The following NFE2L3 variants were observed in gnomAD, a reference collection of about 807,000 sequenced individuals.
NFE2L3 encodes the protein NFE2 like bZIP transcription factor 3.
A neutral mutation model predicts 23.5 loss-of-function variants in NFE2L3; 18 were observed. The ratio of observed to expected loss-of-function variants is 0.77; its 90% CI spans 0.53 to 1.13. The LOEUF is 1.13. Among genes scored for constraint, NFE2L3 ranks in the 50% most tolerant of loss-of-function variants. The probability of loss-of-function intolerance (pLI) is 0.00; values close to 1 mark genes in which losing one functional copy is unlikely to be tolerated. For synonymous variants in NFE2L3, 424 were observed against 354.5 expected (o/e 1.20, Z -2.20); for missense variants, 1,152 against 877.2 (o/e 1.31, Z -3.96).
At position 26,152,435 on chromosome 7, in the gene NFE2L3, C is replaced by A; in HGVS notation, c.-64C>A. ...GGCGCGCGGGGTCCGCACGTGTCAC[C>A]CCGGCGGCTGGGGCGCCGGGACCCG... On this transcript the variant is annotated 5_prime_UTR_variant, in exon 1 of 4. Coordinates refer to ENST00000056233, the MANE Select transcript of NFE2L3 (RefSeq NM_004289.7). This position sits in a 1 kb window ranked among gnomAD's most constrained non-coding sequence, Gnocchi z 4.4. 2.6e-6 allele frequency: 3 copies of A among 1,163,402 alleles called. No homozygotes were observed. The highest frequency in any genetic ancestry group is 4.1e-5 in the South Asian group (1 of 24,396). 72.1% of individuals were successfully genotyped at this position (1,163,402 alleles called of 1,614,324 possible).
chr7:26,176,513 A>G (rs1363901996), intron 1 of NFE2L3, among the ~76,000 whole-genome samples: 222 of 87,870 alleles, frequency 2.5e-3, no homozygotes, highest in East Asian at 0.012. Flanking sequence ...GACGATGGGC[A>G]GCCGGGCAGA....
Position 26,185,622 on chromosome 7 carries a change from T to A in NFE2L3, c.1924T>A (p.Tyr642Asn). The A allele has an allele frequency of 1.9e-6, 3 of 1,613,928 alleles. No individual in the cohort carries two copies. The highest frequency in any genetic ancestry group is 2.5e-6 in the Non-Finnish European group (3 of 1,179,828). Residue 642 changes from tyrosine to asparagine, a missense_variant, in exon 4 of 4, where the codon TAT becomes AAT. Transcript: ENST00000056233. ...NIMKQKLHDL[Y>N]HDIFSRLRDD... is the part of the protein sequence containing the mutation. ...AATGAAACAGAAACTGCATGACCTT[T>A]ATCATGATATTTTTAGTAGATTAAG...
chr7:26,158,105 A>G (rs1381996903), intron 1 of NFE2L3, among the ~76,000 whole-genome samples: 4 of 151,990 alleles, frequency 2.6e-5, no homozygotes, highest in South Asian at 2.1e-4. Flanking sequence ...CTGGAATTCA[A>G]TGGCGCAATC....
At chr7:26,184,098 T>G in intron 3 of NFE2L3, 1 of 389,516 alleles carries the variant, frequency 2.6e-6, no homozygotes, top group Non-Finnish European at 4.6e-6. Flanking sequence ...CCATGTTTAT[T>G]GCAGCAATAT....
chr7:26,155,795 C>T (rs888471190), intron 1 of NFE2L3, among the ~76,000 whole-genome samples: 4 of 152,188 alleles, frequency 2.6e-5, no homozygotes, highest in African/African-American at 9.7e-5. Context: ...TTGGGAGTAT[C>T]ACCTGCTAGT....
Position 26,152,576 on chromosome 7 carries a change from C to T in NFE2L3, c.78C>T (p.Leu26=). The T allele has an allele frequency of 6.5e-7, 1 of 1,534,068 alleles. No homozygotes were observed. Among genetic ancestry groups the T allele is most frequent in the East Asian group, 2.7e-5 (1 of 37,402 alleles). The change falls in exon 1 of 4, where the codon CTC becomes CTT. Residue 26 remains leucine (L), a synonymous_variant. Coordinates refer to ENST00000056233, the MANE Select transcript of NFE2L3 (RefSeq NM_004289.7). The surrounding 1 kb of genome is among the most constrained non-coding windows in gnomAD (Gnocchi z 4.4). The part of the protein sequence containing the change: ...HLTLLLSLAG[L]RVDLDLYLLL... ...CCCTCCTGCTGAGCTTGGCGGGGCT[C>T]CGCGTAGACCTAGATCTTTACCTGC...
Position 26,154,593 on chromosome 7 carries a change from C to G in NFE2L3, c.570+1525C>G, listed in dbSNP as rs1583924007. ...AAAGACAGGGTCTTGCTCTGTTGCCCAGGCTGGAGTGCAAAGGTGCAATGA... is the reference window on the plus strand; with the variant it reads ...AAAGACAGGGTCTTGCTCTGTTGCCGAGGCTGGAGTGCAAAGGTGCAATGA... On this transcript the variant is annotated intron_variant, in intron 1 of 3. Coordinates refer to ENST00000056233, the MANE Select transcript of NFE2L3 (RefSeq NM_004289.7). Among the ~76,000 whole-genome samples the G allele has an allele frequency of 3.3e-5, 5 of 152,272 alleles. No individual in the cohort carries two copies. The South Asian group carries it at 1.0e-3, about 32-fold the overall frequency.
chr7:26,184,069 C>T (rs1043988448), intron 3 of NFE2L3: 12 of 443,118 alleles, frequency 2.7e-5, no homozygotes, highest in Non-Finnish European at 4.4e-5. Context: ...ATCAGTGTAT[C>T]AAAGGGACAC....
At chr7:26,153,877 A>G (rs1004783234) in intron 1 of NFE2L3, among the ~76,000 whole-genome samples, 1 of 152,108 alleles carries the variant, frequency 6.6e-6, no homozygotes, top group African/African-American at 2.4e-5. Context: ...TTTCCACAAA[A>G]CCACTTTACC....
At chr7:26,180,273 C>G (rs1784483258) in intron 2 of NFE2L3, among the ~76,000 whole-genome samples, 1 of 152,068 alleles carries the variant, frequency 6.6e-6, no homozygotes, top group Admixed American at 6.6e-5. Flanking sequence ...GAGAGCACAC[C>G]CCAAGGAACC....
At chr7:26,164,341 T>C (rs1401149891) in intron 1 of NFE2L3, among the ~76,000 whole-genome samples, 2 of 152,244 alleles carry the variant, frequency 1.3e-5, no homozygotes, top group Non-Finnish European at 2.9e-5. Context: ...TTTTTAATGA[T>C]CGCCATTCTA....
intron 1 of NFE2L3, among the ~76,000 whole-genome samples, chr7:26,169,671 A>G (rs1361484656): frequency 1.3e-5 from 2 of 152,236 alleles, no homozygotes; most frequent in African/African-American, 2.4e-5. Flanking sequence ...TTGCTTCACA[A>G]TAGGCTCTCA....
In NFE2L3 at chr7:26,154,747, C is replaced by T. The variant is rs574733886; in HGVS notation, c.570+1679C>T. 2.0e-5 allele frequency among the ~76,000 whole-genome samples: 3 copies of T among 152,304 alleles called. No individual in the cohort carries two copies. In the East Asian group the frequency reaches 5.8e-4, roughly 29 times the overall value. ...TGTAGAGACAGGTCTCGCTATGTTG[C>T]CTAGGCTGGTCTCGAACTCCTTGGC... On this transcript the variant is annotated intron_variant, in intron 1 of 3. Coordinates refer to ENST00000056233, the MANE Select transcript of NFE2L3 (RefSeq NM_004289.7).
rs987478525 is a variant in NFE2L3, at chr7:26,153,037, A to G, written c.539A>G (p.Gln180Arg). 4 of 1,526,844 alleles carry G rather than the reference A, an allele frequency of 2.6e-6. No homozygotes were observed. The highest frequency in any genetic ancestry group is 2.6e-6 in the Non-Finnish European group (3 of 1,140,862). The allele number at this position is 1,526,844 out of a possible 1,614,324, so 94.6% of individuals were successfully genotyped here. ...EEKAPAEPTA[Q>R]VPDAGGCASE... ...AAGGCACCCGCGGAACCGACGGCTC[A>G]GGTGCCGGACGCTGGCGGATGTGCG... Residue 180 changes from glutamine (Q) to arginine (R), a missense_variant, in exon 1 of 4, where the codon CAG becomes CGG. Physicochemically the swap from Gln to Arg is conservative, Grantham distance 43. Coordinates refer to ENST00000056233, the MANE Select transcript of NFE2L3 (RefSeq NM_004289.7).
At chr7:26,174,593 A>G (rs752771975) in intron 1 of NFE2L3, 1 of 152,244 alleles carries the variant, frequency 6.6e-6, no homozygotes, top group Non-Finnish European at 1.5e-5. Flanking sequence ...ACAGTGTCAG[A>G]GTTAGGCACA....
chr7:26,184,357 G>C, intron 3 of NFE2L3, 176 bp from the exon 4 acceptor site: 2 of 571,396 alleles, frequency 3.5e-6, no homozygotes, highest in Non-Finnish European at 6.1e-6. Flanking sequence ...ATTCTGATTT[G>C]GACTCACATC....
chr7:26,181,603 G>GA (rs1784511630), intron 2 of NFE2L3, among the ~76,000 whole-genome samples: 1 of 151,936 alleles, frequency 6.6e-6, no homozygotes, highest in Non-Finnish European at 1.5e-5. Context: ...TTCTTGAAAA[G>GA]AAAAATGCAA....
At position 26,181,332 on chromosome 7, in the gene NFE2L3, T is replaced by C. The variant is rs2128099997; in HGVS notation, c.751-2369T>C. ...TTCTGTTCTTTTATTGGGCTATTACTTAGTAGGTGCTTTTAAAGCTTGTTG... is the reference window on the plus strand; with the variant it reads ...TTCTGTTCTTTTATTGGGCTATTACCTAGTAGGTGCTTTTAAAGCTTGTTG... On this transcript the variant is annotated intron_variant, in intron 2 of 3. Coordinates refer to ENST00000056233, the MANE Select transcript of NFE2L3 (RefSeq NM_004289.7). Among the ~76,000 whole-genome samples, 2 of 152,242 alleles carry C rather than the reference T, an allele frequency of 1.3e-5. 1 individual carries two copies. Among genetic ancestry groups the C allele is most frequent in the South Asian group, 4.2e-4 (2 of 4,818 alleles).
intron 1 of NFE2L3, among the ~76,000 whole-genome samples, chr7:26,171,007 G>A (rs1317705716): frequency 6.6e-6 from 1 of 152,190 alleles, no homozygotes; most frequent in Non-Finnish European, 1.5e-5. Flanking sequence ...GCTGCAGTAA[G>A]CCATGATCAC....
Sources: gnomAD v4.1 joint callset for allele counts (sites outside exome capture counted in the v4.1 genomes callset) on GRCh38, gnomAD v4.1.1 for gene constraint, Gnocchi (gnomAD v3.1) non-coding constraint, MANE v1.5 for transcripts, NCBI Gene and HGNC (gene_info 2026-07-23, HGNC 2026-07-21) for gene names.